The following COL5A2 variants were observed in gnomAD, a reference collection of about 807,000 sequenced individuals.
COL5A2 encodes collagen type V alpha 2 chain, also known as collagen alpha-2(V) chain.
A neutral mutation model predicts 208.2 loss-of-function variants in COL5A2; 23 were observed. The ratio of observed to expected loss-of-function variants is 0.11; its 90% CI spans 0.08 to 0.16. COL5A2 has a LOEUF of 0.16. COL5A2 is among the 10% of genes least tolerant of loss of function. The pLI is 1.00. For missense variants in COL5A2, 1,590 were observed against 1,956.4 expected (o/e 0.81, Z 3.53); for synonymous variants, 625 against 628.5 (o/e 0.99, Z 0.08).
At chr2:189,371,899 G>C in the COL5A2 span, among the ~76,000 whole-genome samples, 3 of 152,218 alleles carry the variant, frequency 2.0e-5, no homozygotes, top group Admixed American at 1.3e-4. Flanking sequence ...AGATTAACAT[G>C]ACTAAAATGG....
At chr2:189,290,899 G>A in the COL5A2 span, among the ~76,000 whole-genome samples, 1 of 151,928 alleles carries the variant, frequency 6.6e-6, no homozygotes, top group African/African-American at 2.4e-5. Context: ...GAATTAAGAA[G>A]GCTATCAGAA....
At chr2:189,338,738 TTTA>T in the COL5A2 span, among the ~76,000 whole-genome samples, 1 of 148,568 alleles carries the variant, frequency 6.7e-6, no homozygotes, top group Non-Finnish European at 1.5e-5. Flanking sequence ...AAATTTAAAT[TTTA>T]TATTATAAAA....
At chr2:189,155,270 G>A (rs1390112251) in intron 1 of COL5A2, among the ~76,000 whole-genome samples, 1 of 152,208 alleles carries the variant, frequency 6.6e-6, no homozygotes, top group Admixed American at 6.5e-5. Flanking sequence ...TAACAGGCAT[G>A]AGCCATTGCA....
the COL5A2 span, among the ~76,000 whole-genome samples, chr2:189,363,320 G>C: frequency 6.6e-6 from 1 of 151,852 alleles, no homozygotes; most frequent in Non-Finnish European, 1.5e-5. Flanking sequence ...CCTTTATCAG[G>C]TCCAGGAAGC....
At position 189,139,463 on chromosome 2, in the gene COL5A2, G is replaced by A. The variant is rs554200560; in HGVS notation, c.98-29014C>T. ...ATCAGGCCAGTACTCCTGAAAAATC[G>A]TCAAAATCCTAAAAAACAAGGAATG... On this transcript the variant is annotated intron_variant, in intron 1 of 53. Coordinates refer to ENST00000374866, the MANE Select transcript of COL5A2 (RefSeq NM_000393.5). Among the ~76,000 whole-genome samples, 8 of 152,020 alleles carry A rather than the reference G, an allele frequency of 5.3e-5. No homozygotes were observed. The East Asian group carries it at 9.7e-4, about 18-fold the overall frequency.
intron 2 of COL5A2, among the ~76,000 whole-genome samples, chr2:189,104,556 C>T (rs1687113585): frequency 6.6e-6 from 1 of 151,848 alleles, no homozygotes; most frequent in Non-Finnish European, 1.5e-5. Context: ...GCTATTAAAG[C>T]TATAATGAAT....
chr2:189,430,399 C>A, the COL5A2 span, among the ~76,000 whole-genome samples: 184 of 152,250 alleles, frequency 1.2e-3, no homozygotes, highest in Non-Finnish European at 2.2e-3. Flanking sequence ...GGTCACCTCA[C>A]CCAGGAAACA....
intron 17 of COL5A2, among the ~76,000 whole-genome samples, chr2:189,074,416 T>C (rs1686351474): frequency 6.6e-6 from 1 of 152,112 alleles, no homozygotes; most frequent in Admixed American, 6.6e-5. Flanking sequence ...ACAATAGCCT[T>C]GTCCATACCA....
At chr2:189,200,813 C>A (rs1418554595) in intron 1 of COL5A2, among the ~76,000 whole-genome samples, 1 of 151,762 alleles carries the variant, frequency 6.6e-6, no homozygotes, top group Non-Finnish European at 1.5e-5. Context: ...CAATGGAACA[C>A]CACCTTTGAA....
intron 3 of COL5A2, 41 bp from the exon 4 acceptor site, chr2:189,100,180 T>C (rs747944045): frequency 2.5e-5 from 39 of 1,551,200 alleles, no homozygotes; most frequent in Non-Finnish European, 3.5e-5. Flanking sequence ...ATTAGCACAA[T>C]ATAATGGCTT....
chr2:189,071,269 T>C (rs995049625), intron 18 of COL5A2, among the ~76,000 whole-genome samples: 1 of 152,210 alleles, frequency 6.6e-6, no homozygotes, highest in African/African-American at 2.4e-5. Flanking sequence ...ATCTTGTGCA[T>C]AATCTCTTCA....
At chr2:189,148,730 C>T (rs902226430) in intron 1 of COL5A2, among the ~76,000 whole-genome samples, 6 of 152,106 alleles carry the variant, frequency 3.9e-5, no homozygotes, top group African/African-American at 1.4e-4. Flanking sequence ...CCATAAAGCA[C>T]AAATTTAATC....
At chr2:189,351,553 G>A in the COL5A2 span, among the ~76,000 whole-genome samples, 1 of 152,136 alleles carries the variant, frequency 6.6e-6, no homozygotes, top group Admixed American at 6.6e-5. Context: ...GTGTGTATGT[G>A]TATATAAATA....
chr2:189,427,438 G>A, the COL5A2 span, among the ~76,000 whole-genome samples: 8 of 152,250 alleles, frequency 5.3e-5, no homozygotes, highest in African/African-American at 1.9e-4. Flanking sequence ...CCTTTACTAG[G>A]ACAATGCAGA....
At chr2:189,225,654 T>C (rs1264395322), upstream of COL5A2, among the ~76,000 whole-genome samples, 1 of 152,138 alleles carries the variant, frequency 6.6e-6, no homozygotes, top group Non-Finnish European at 1.5e-5. Flanking sequence ...AAGAGATATT[T>C]TCCAGCTATG....
the COL5A2 span, among the ~76,000 whole-genome samples, chr2:189,392,423 A>G: frequency 2.0e-5 from 3 of 152,158 alleles, no homozygotes; most frequent in African/African-American, 7.2e-5. Flanking sequence ...AATCATATCA[A>G]ATGATTATCT....
chr2:189,182,181 G>A (rs1436746225), upstream of COL5A2, among the ~76,000 whole-genome samples: 2 of 152,116 alleles, frequency 1.3e-5, no homozygotes, highest in Admixed American at 6.6e-5. Context: ...CCATTTCTTA[G>A]TCCTTAAAGA....
chr2:189,062,755 C>T, intron 29 of COL5A2, 110 bp downstream of exon 29: 1 of 1,246,506 alleles, frequency 8.0e-7, no homozygotes, highest in East Asian at 2.3e-5. Context: ...CCCATACATT[C>T]TTATTCACTT....
the COL5A2 span, among the ~76,000 whole-genome samples, chr2:189,303,129 T>C: frequency 1.3e-5 from 2 of 152,174 alleles, no homozygotes; most frequent in African/African-American, 4.8e-5. Context: ...CCACAGTGCA[T>C]GATAAGTGCT....
Sources: allele counts gnomAD v4.1 joint callset (sites outside exome capture counted in the v4.1 genomes callset), GRCh38; gene constraint gnomAD v4.1.1; transcripts MANE v1.5; gene names NCBI Gene and HGNC (gene_info 2026-07-23, HGNC 2026-07-21).